Variants in RARB observed in about 807,000 individuals in gnomAD.
The protein encoded by RARB is HBV-activated protein.
In RARB, 17 loss-of-function variants were observed where a neutral mutation model predicts 51.9. That is an observed-to-expected ratio of 0.33 (90% CI 0.22 to 0.49). The LOEUF is 0.49. Ranked by LOEUF, RARB falls within the 20% of genes least tolerant of loss-of-function variation. RARB has a pLI of 0.99. For synonymous variants in RARB, 215 were observed against 195.4 expected (o/e 1.10, Z -0.84); for missense variants, 369 against 550.8 (o/e 0.67, Z 3.30).
At chr3:25,373,162 G>A (rs1453814500) in intron 5 of RARB, among the ~76,000 whole-genome samples, 1 of 152,212 alleles carries the variant, frequency 6.6e-6, no homozygotes, top group Non-Finnish European at 1.5e-5. Flanking sequence ...CAGAAGTCTA[G>A]AGTTGAGGAG....
intron 4 of RARB, among the ~76,000 whole-genome samples, chr3:25,153,384 A>C (rs113938435): frequency 0.015 from 2,290 of 152,314 alleles, 24 homozygotes; most frequent in Middle Eastern, 0.051. Flanking sequence ...TCAAAATCTC[A>C]TTCCTTACGA....
At chr3:24,912,004 A>G (rs147337299) in intron 2 of RARB, among the ~76,000 whole-genome samples, 1 of 152,344 alleles carries the variant, frequency 6.6e-6, no homozygotes, top group African/African-American at 2.4e-5. Context: ...CAGACGTGCA[A>G]TGATAAAAAA....
intron 4 of RARB, among the ~76,000 whole-genome samples, chr3:25,152,863 A>C (rs1248393398): frequency 6.6e-6 from 1 of 152,230 alleles, no homozygotes; most frequent in African/African-American, 2.4e-5. Context: ...AAATAGGGTC[A>C]GGTGGAGCCA....
At chr3:25,097,834 T>C (rs1030141345) in intron 3 of RARB, among the ~76,000 whole-genome samples, 1 of 152,142 alleles carries the variant, frequency 6.6e-6, no homozygotes, top group South Asian at 2.1e-4. Flanking sequence ...TTTGGAGGTA[T>C]GCTTTGTGCT....
At chr3:25,394,046 G>A (rs1652928177) in intron 5 of RARB, among the ~76,000 whole-genome samples, 1 of 151,914 alleles carries the variant, frequency 6.6e-6, no homozygotes, top group Non-Finnish European at 1.5e-5. Context: ...GTTTAATGCT[G>A]TGACCTTTTC....
At chr3:25,073,831 C>CTT (rs199824769) in intron 3 of RARB, among the ~76,000 whole-genome samples, 9,657 of 146,508 alleles carry the variant, frequency 0.066, 350 homozygotes, top group Middle Eastern at 0.077. Flanking sequence ...ACAATAGTGA[C>CTT]TTTTTTTTTT....
intron 5 of RARB, among the ~76,000 whole-genome samples, chr3:25,287,584 G>A (rs1703687392): frequency 6.6e-6 from 1 of 152,130 alleles, no homozygotes; most frequent in Non-Finnish European, 1.5e-5. Context: ...GGCCAAGCAG[G>A]CTTCTCCAGC....
intron 2 of RARB, among the ~76,000 whole-genome samples, chr3:25,475,524 A>G (rs1353692863): frequency 1.3e-5 from 2 of 152,244 alleles, no homozygotes; most frequent in Admixed American, 6.5e-5. Context: ...ATAAGAATAT[A>G]TAAAACAGAA....
chr3:25,095,243 G>A (rs920197544), intron 3 of RARB, among the ~76,000 whole-genome samples: 4 of 152,180 alleles, frequency 2.6e-5, no homozygotes, highest in East Asian at 1.9e-4. Context: ...AGCTCTTCAG[G>A]TGATACTGAT....
intron 1 of RARB, among the ~76,000 whole-genome samples, chr3:25,457,067 GT>G (rs1694957299): frequency 6.6e-6 from 1 of 151,824 alleles, no homozygotes; most frequent in African/African-American, 2.4e-5. Context: ...TTGTTTTTCT[GT>G]TTTAAATCTT....
At chr3:25,105,973 C>A (rs1699491597) in intron 3 of RARB, among the ~76,000 whole-genome samples, 1 of 152,172 alleles carries the variant, frequency 6.6e-6, no homozygotes, top group African/African-American at 2.4e-5. Context: ...GTGGCTGTTA[C>A]TAATCCCAGC....
At chr3:25,294,777 C>T (rs1299899808) in intron 5 of RARB, among the ~76,000 whole-genome samples, 1 of 149,420 alleles carries the variant, frequency 6.7e-6, no homozygotes, top group African/African-American at 2.5e-5. Flanking sequence ...GTCTTTTCTC[C>T]TACTGTTTCT....
At chr3:24,908,073 T>G (rs922690475) in intron 2 of RARB, among the ~76,000 whole-genome samples, 8 of 152,106 alleles carry the variant, frequency 5.3e-5, no homozygotes, top group Non-Finnish European at 1.2e-4. Context: ...TTCCTGTTCC[T>G]AGGACTATGT....
chr3:25,357,983 C>T (rs1176410553), intron 5 of RARB, among the ~76,000 whole-genome samples: 1 of 152,168 alleles, frequency 6.6e-6, no homozygotes, highest in Non-Finnish European at 1.5e-5. Context: ...ATTGTCTTGG[C>T]TATACAGGCT....
At chr3:25,278,841 G>A (rs1703455153) in intron 5 of RARB, among the ~76,000 whole-genome samples, 1 of 152,164 alleles carries the variant, frequency 6.6e-6, no homozygotes, top group South Asian at 2.1e-4. Flanking sequence ...GAGCTAAGAA[G>A]GCTTTTGTAG....
Position 24,831,988 on chromosome 3 carries a change from C to G in RARB, c.-459+2585C>G, listed in dbSNP as rs148638990. On this transcript the variant is annotated intron_variant, in intron 1 of 11. Transcript: ENST00000383772. ...GGAGTTTATTGGAAGAAGTTCAAAA[C>G]AAAATTATTTCAGCAGAAACTTAAG... Among the ~76,000 whole-genome samples, 1,040 of 152,214 alleles carry G rather than the reference C, an allele frequency of 6.8e-3. 10 individuals carry two copies. The highest frequency in any genetic ancestry group is 0.024 in the African/African-American group (989 of 41,540).
intron 3 of RARB, among the ~76,000 whole-genome samples, chr3:25,543,011 C>A (rs1287257448): frequency 6.6e-6 from 1 of 152,300 alleles, no homozygotes; most frequent in African/African-American, 2.4e-5. Context: ...CCCATGGACA[C>A]AACTGCAGGT....
At chr3:24,913,180 T>C (rs938122819) in intron 2 of RARB, among the ~76,000 whole-genome samples, 1 of 151,704 alleles carries the variant, frequency 6.6e-6, no homozygotes, top group Non-Finnish European at 1.5e-5. Context: ...GAGACGGGGT[T>C]TCACTGTGTT....
At chr3:25,521,578 TAGGA>T (rs1259018978) in intron 3 of RARB, among the ~76,000 whole-genome samples, 6 of 151,784 alleles carry the variant, frequency 4.0e-5, no homozygotes, top group Non-Finnish European at 1.5e-5. Context: ...AGCTGTGCAG[TAGGA>T]AGGAATGAAT....
Sources: gnomAD v4.1 joint callset for allele counts (sites outside exome capture counted in the v4.1 genomes callset) on GRCh38, gnomAD v4.1.1 for gene constraint, MANE v1.5 for transcripts, NCBI Gene and HGNC (gene_info 2026-07-23, HGNC 2026-07-21) for gene names.